COL21A1: variants seen among roughly 807,000 people sequenced by gnomAD.
The protein encoded by COL21A1 is collagen alpha-1(XXI) chain.
In COL21A1, 149 loss-of-function variants were observed where a neutral mutation model predicts 137.9. The ratio of observed to expected loss-of-function variants is 1.08; its 90% CI spans 0.95 to 1.24. COL21A1 has a LOEUF of 1.24. Ranked by LOEUF, COL21A1 falls within the 50% of genes most tolerant of loss-of-function variation. The pLI is 0.00. For synonymous variants in COL21A1, 456 were observed against 391.5 expected, an observed-to-expected ratio of 1.16 and a Z score of -1.95; for missense variants, 1,167 against 1,158.4, an observed-to-expected ratio of 1.01 and a Z score of -0.11.
intron 1 of COL21A1, among the ~76,000 whole-genome samples, chr6:56,266,007 G>C (rs1763382440): frequency 1.3e-5 from 2 of 152,196 alleles, no homozygotes; most frequent in Admixed American, 1.3e-4. Context: ...CTCAGCAGTT[G>C]TTAAAGCCTC....
intron 1 of COL21A1, among the ~76,000 whole-genome samples, chr6:56,357,209 ACAG>A (rs1765854956): frequency 6.6e-6 from 1 of 152,212 alleles, no homozygotes; most frequent in South Asian, 2.1e-4. Flanking sequence ...ATTAGAGAAA[ACAG>A]TATCTACCTC....
chr6:56,168,492 T>G (rs1174109689), intron 5 of COL21A1, among the ~76,000 whole-genome samples, 195 bp from the exon 6 acceptor site: 1 of 152,106 alleles, frequency 6.6e-6, no homozygotes, highest in Non-Finnish European at 1.5e-5. Context: ...AATCTTTATC[T>G]GAGTTCCTAT....
At position 56,356,133 on chromosome 6, in the gene COL21A1, C is replaced by T. The variant is rs527850285; in HGVS notation, c.-39+37838G>A. 2.0e-5 allele frequency among the ~76,000 whole-genome samples: 3 copies of T among 152,264 alleles called. No homozygotes were observed. In the South Asian group the frequency reaches 6.2e-4, roughly 32 times the overall value. On this transcript the variant is annotated intron_variant, in intron 1 of 28. Coordinates refer to the COL21A1 transcript ENST00000370819. ...CAAGCACAATGCCAGTTTCTAAGGA[C>T]ATAATAGAGACCAAGAACAGAATAA...
At chr6:56,260,660 GAAGGAAGGA>G (rs1469780129) in intron 1 of COL21A1, among the ~76,000 whole-genome samples, 1 of 17,066 alleles carries the variant, frequency 5.9e-5, no homozygotes, top group African/African-American at 3.7e-4. Context: ...AGGAAGGAAT[GAAGGAAGGA>G]AGGAAGGAAG....
intron 1 of COL21A1, among the ~76,000 whole-genome samples, chr6:56,230,235 C>T (rs1324860411): frequency 6.6e-6 from 1 of 151,768 alleles, no homozygotes; most frequent in African/African-American, 2.4e-5. Context: ...GTCCAGTGTC[C>T]TATGACTCTG....
In COL21A1 at chr6:56,080,059, C is replaced by CA. The variant is rs568211433; in HGVS notation, c.1813-2487dup. On this transcript the variant is annotated intron_variant, in intron 17 of 29. Transcript: ENST00000244728. ...CCAAGTTAATATTTTCCTGGGCTCC[C>CA]AATATGTGTATTGAAATTGACTAAA... Among the ~76,000 whole-genome samples, 29 of 151,776 alleles carry CA rather than the reference C, an allele frequency of 1.9e-4. No individual in the cohort carries two copies. The South Asian group carries it at 6.0e-3, about 32-fold the overall frequency.
At chr6:56,306,120 C>T (rs1246472922) in intron 1 of COL21A1, among the ~76,000 whole-genome samples, 3 of 96,618 alleles carry the variant, frequency 3.1e-5, no homozygotes, top group African/African-American at 9.0e-5. Flanking sequence ...TGATGGGCTT[C>T]CTTTTGTGGG....
intron 1 of COL21A1, among the ~76,000 whole-genome samples, chr6:56,272,000 G>A (rs907794905): frequency 3.9e-5 from 6 of 152,252 alleles, no homozygotes; most frequent in African/African-American, 7.2e-5. Flanking sequence ...AGCCCTCAAG[G>A]AGAACCTCTA....
At chr6:56,332,580 G>GCGC (rs768861848) in intron 1 of COL21A1, among the ~76,000 whole-genome samples, 1 of 147,460 alleles carries the variant, frequency 6.8e-6, no homozygotes, top group African/African-American at 2.6e-5. Context: ...TCACCAAATA[G>GCGC]CCCCCCCGCC....
intron 1 of COL21A1, among the ~76,000 whole-genome samples, chr6:56,203,264 G>A (rs1216734244): frequency 6.6e-6 from 1 of 152,146 alleles, no homozygotes; most frequent in Non-Finnish European, 1.5e-5. Context: ...AGTCCTGGAT[G>A]TGCCTGGTTT....
At chr6:56,151,555 A>C (rs577860256) in intron 10 of COL21A1, among the ~76,000 whole-genome samples, 1 of 152,356 alleles carries the variant, frequency 6.6e-6, no homozygotes, top group African/African-American at 2.4e-5. Flanking sequence ...ATAGCTCTTT[A>C]ATTTTGGTTG....
chr6:56,090,466 G>T (rs914378720), intron 17 of COL21A1, among the ~76,000 whole-genome samples: 5 of 152,158 alleles, frequency 3.3e-5, no homozygotes, highest in African/African-American at 9.7e-5. Context: ...GCCAACATTT[G>T]TGTGTGAGGT....
intron 1 of COL21A1, among the ~76,000 whole-genome samples, chr6:56,342,064 C>T (rs990067788): frequency 6.6e-6 from 1 of 152,112 alleles, no homozygotes; most frequent in Non-Finnish European, 1.5e-5. Context: ...GACTGGGCTC[C>T]AGTGTTTGTA....
chr6:56,256,817 A>G (rs1158061565), intron 1 of COL21A1, among the ~76,000 whole-genome samples: 1 of 152,114 alleles, frequency 6.6e-6, no homozygotes, highest in Non-Finnish European at 1.5e-5. Context: ...TAGTTGAACA[A>G]TGCTTCATTG....
At chr6:56,227,051 A>C (rs1406992694) in intron 1 of COL21A1, among the ~76,000 whole-genome samples, 1 of 151,916 alleles carries the variant, frequency 6.6e-6, no homozygotes, top group African/African-American at 2.4e-5. Flanking sequence ...CAACTTTCTC[A>C]ATAAGTAAAA....
At chr6:56,121,062 A>G (rs959193023) in intron 16 of COL21A1, among the ~76,000 whole-genome samples, 10 of 152,306 alleles carry the variant, frequency 6.6e-5, no homozygotes, top group African/African-American at 2.2e-4. Flanking sequence ...TTGCAACAAC[A>G]TGGATCAAAC....
At chr6:56,291,711 G>A (rs1764050153) in intron 1 of COL21A1, among the ~76,000 whole-genome samples, 1 of 152,226 alleles carries the variant, frequency 6.6e-6, no homozygotes. Flanking sequence ...GTACTATACT[G>A]TGAAAAGTCC....
chr6:56,103,901 G>A (rs1239853846), intron 16 of COL21A1, among the ~76,000 whole-genome samples: 1 of 152,124 alleles, frequency 6.6e-6, no homozygotes, highest in Non-Finnish European at 1.5e-5. Flanking sequence ...GTTTACAGAA[G>A]GTGCTGAGAC....
At chr6:56,306,369 G>A (rs1350286782) in intron 1 of COL21A1, among the ~76,000 whole-genome samples, 36 of 151,736 alleles carry the variant, frequency 2.4e-4, no homozygotes, top group South Asian at 1.7e-3. Flanking sequence ...CAGGTACACC[G>A]ATCAGACATA....
Sources: allele counts gnomAD v4.1 joint callset (sites outside exome capture counted in the v4.1 genomes callset), GRCh38; gene constraint gnomAD v4.1.1; transcripts MANE v1.5; gene names NCBI Gene and HGNC (gene_info 2026-07-23, HGNC 2026-07-21).